Variants in KCND2 observed in about 807,000 individuals in gnomAD.
The protein encoded by KCND2 is potassium voltage-gated channel subfamily D member 2.
A neutral mutation model predicts 54.4 loss-of-function variants in KCND2; 16 were observed. That is an observed-to-expected ratio of 0.29 (90% CI 0.20 to 0.45). The LOEUF is 0.45. Ranked by LOEUF, KCND2 falls within the 20% of genes least tolerant of loss-of-function variation. The probability of loss-of-function intolerance (pLI) is 1.00; values close to 1 mark genes in which losing one functional copy is unlikely to be tolerated. For synonymous variants in KCND2, 317 were observed against 310.7 expected (o/e 1.02, Z -0.21); for missense variants, 486 against 824.2 (o/e 0.59, Z 5.02).
rs1316131759 is a variant in KCND2 at position 120,724,277 on chromosome 7, G to C, written c.1116-8626G>C. Among the ~76,000 whole-genome samples, 3 of 152,260 alleles carry C rather than the reference G, an allele frequency of 2.0e-5. No homozygotes were observed. The East Asian group carries it at 5.8e-4, about 29-fold the overall frequency. ...TCTAATTCTACTCTCTCAGTTGCAA[G>C]TAGCATTGAAGGCATAGCAAAGGGA... On this transcript the variant is annotated intron_variant, in intron 1 of 5. Transcript: ENST00000331113.
chr7:120,539,288 G>A (rs1791950920), intron 1 of KCND2, among the ~76,000 whole-genome samples: 1 of 152,190 alleles, frequency 6.6e-6, no homozygotes, highest in African/African-American at 2.4e-5. Context: ...GGAGTTCAGA[G>A]ACATCTCTGG....
chr7:120,702,927 T>C (rs772327506), intron 1 of KCND2, among the ~76,000 whole-genome samples: 1 of 152,022 alleles, frequency 6.6e-6, no homozygotes. Flanking sequence ...ACCCCTGAAT[T>C]TAAAATAAAA....
At chr7:120,405,844 T>G (rs1194048811) in intron 1 of KCND2, among the ~76,000 whole-genome samples, 1 of 152,058 alleles carries the variant, frequency 6.6e-6, no homozygotes, top group Non-Finnish European at 1.5e-5. Context: ...TGGTATTGGT[T>G]TAGACACCAG....
intron 1 of KCND2, among the ~76,000 whole-genome samples, chr7:120,663,838 T>C (rs1791894428): frequency 6.6e-6 from 1 of 152,214 alleles, no homozygotes; most frequent in Non-Finnish European, 1.5e-5. Flanking sequence ...TTTCCTATCT[T>C]TGAAGAAACT....
At chr7:120,423,611 C>G (rs1801659032) in intron 1 of KCND2, among the ~76,000 whole-genome samples, 1 of 152,170 alleles carries the variant, frequency 6.6e-6, no homozygotes, top group Admixed American at 6.5e-5. Context: ...CAAGAATCTA[C>G]CCCATTTAAA....
At chr7:120,456,229 G>A (rs1388804652) in intron 1 of KCND2, among the ~76,000 whole-genome samples, 1 of 152,060 alleles carries the variant, frequency 6.6e-6, no homozygotes, top group South Asian at 2.1e-4. Flanking sequence ...AAGATGATTG[G>A]TCTAATGAAA....
chr7:120,737,318 C>G (rs922577968), intron 2 of KCND2, among the ~76,000 whole-genome samples: 10 of 151,986 alleles, frequency 6.6e-5, no homozygotes, highest in African/African-American at 2.2e-4. Context: ...TTGCTAGAAC[C>G]TGAGAATGAT....
chr7:120,334,150 A>G (rs913879430), intron 1 of KCND2, among the ~76,000 whole-genome samples: 12 of 152,174 alleles, frequency 7.9e-5, no homozygotes, highest in Non-Finnish European at 1.3e-4. Flanking sequence ...TAAAAAGGGT[A>G]ACAGGGGTCT....
At chr7:120,687,169 A>G (rs1045328900) in intron 1 of KCND2, among the ~76,000 whole-genome samples, 4 of 152,108 alleles carry the variant, frequency 2.6e-5, no homozygotes, top group East Asian at 1.9e-4. Context: ...CAAATACTAC[A>G]TGATTCCACG....
intron 1 of KCND2, among the ~76,000 whole-genome samples, chr7:120,676,487 G>A (rs1371464975): frequency 2.0e-5 from 3 of 151,890 alleles, no homozygotes; most frequent in African/African-American, 7.3e-5. Flanking sequence ...AGTATTTCTT[G>A]GTTATCCATA....
chr7:120,708,134 A>G (rs903550317), intron 1 of KCND2, among the ~76,000 whole-genome samples: 5 of 152,186 alleles, frequency 3.3e-5, no homozygotes, highest in Admixed American at 6.6e-5. Context: ...ACACTTTTTG[A>G]ATTTTCATAA....
intron 1 of KCND2, among the ~76,000 whole-genome samples, chr7:120,702,982 G>A (rs1025824989): frequency 5.9e-5 from 9 of 152,054 alleles, no homozygotes; most frequent in Non-Finnish European, 1.2e-4. Context: ...ATTAATCATT[G>A]TGATTATTTA....
At chr7:120,368,005 A>G (rs1412716230) in intron 1 of KCND2, among the ~76,000 whole-genome samples, 2 of 152,244 alleles carry the variant, frequency 1.3e-5, no homozygotes, top group East Asian at 3.9e-4. Flanking sequence ...TCAGCCCGGC[A>G]AGCCGTAACC....
chr7:120,552,949 A>G (rs1373887869), intron 1 of KCND2, among the ~76,000 whole-genome samples: 2 of 152,214 alleles, frequency 1.3e-5, no homozygotes, highest in Non-Finnish European at 2.9e-5. Context: ...TTCAACATGC[A>G]CAATGCGATG....
At chr7:120,343,206 C>G (rs1016973732) in intron 1 of KCND2, among the ~76,000 whole-genome samples, 22 of 152,168 alleles carry the variant, frequency 1.4e-4, no homozygotes, top group African/African-American at 4.6e-4. Context: ...TGCAAAGAGG[C>G]TGGGAAATGC....
At chr7:120,429,548 G>A (rs1801762362) in intron 1 of KCND2, among the ~76,000 whole-genome samples, 3 of 152,002 alleles carry the variant, frequency 2.0e-5, no homozygotes, top group African/African-American at 4.8e-5. Context: ...AGGGGAAGAG[G>A]AAGAAGAAGA....
intron 1 of KCND2, among the ~76,000 whole-genome samples, chr7:120,699,589 CAAG>C (rs1799285419): frequency 6.6e-6 from 1 of 152,058 alleles, no homozygotes; most frequent in Non-Finnish European, 1.5e-5. Context: ...AAAAATCCCC[CAAG>C]AAGGTCAGGA....
intron 1 of KCND2, among the ~76,000 whole-genome samples, chr7:120,319,855 A>G (rs1799868600): frequency 6.6e-6 from 1 of 152,058 alleles, no homozygotes; most frequent in South Asian, 2.1e-4. Context: ...TTTAATCTAT[A>G]TATTCTAATT....
intron 1 of KCND2, among the ~76,000 whole-genome samples, chr7:120,582,401 A>C (rs1792528555): frequency 6.6e-6 from 1 of 152,104 alleles, no homozygotes; most frequent in Non-Finnish European, 1.5e-5. Flanking sequence ...TTCTATAGTC[A>C]AACTGTGCTC....
Sources: gnomAD v4.1 joint callset for allele counts (sites outside exome capture counted in the v4.1 genomes callset) on GRCh38, gnomAD v4.1.1 for gene constraint, MANE v1.5 for transcripts, NCBI Gene and HGNC (gene_info 2026-07-23, HGNC 2026-07-21) for gene names.